The following MBTPS1 variants were observed in gnomAD, a reference collection of about 807,000 sequenced individuals.
MBTPS1 encodes membrane-bound transcription factor site-1 protease.
Under a neutral mutation model 127.8 loss-of-function variants are expected in MBTPS1, and 94 were observed. The observed-to-expected ratio is 0.74, with a 90% CI of 0.62 to 0.87. The LOEUF (loss-of-function observed/expected upper bound fraction) is 0.87. Ranked by LOEUF, MBTPS1 falls within the 40% of genes least tolerant of loss-of-function variation. The probability of loss-of-function intolerance (pLI) is 0.00; values close to 1 mark genes in which losing one functional copy is unlikely to be tolerated. For missense variants in MBTPS1, 1,636 were observed against 1,353.2 expected (o/e 1.21, Z -3.28); for synonymous variants, 632 against 509.4 (o/e 1.24, Z -3.24).
chr16:84,069,706 G>C (rs941764624), intron 14 of MBTPS1, among the ~76,000 whole-genome samples, 160 bp downstream of exon 14: 3 of 152,206 alleles, frequency 2.0e-5, no homozygotes, highest in Admixed American at 6.5e-5. Flanking sequence ...GAGAAGTCAG[G>C]CTGCCCTAAG....
At chr16:84,063,161 G>C in intron 19 of MBTPS1, 144 bp downstream of exon 19, 2 of 800,064 alleles carry the variant, frequency 2.5e-6, no homozygotes, top group Non-Finnish European at 4.0e-6. Context: ...AGCAATCAAA[G>C]TGACTGCAAC....
At chr16:84,092,514 A>G (rs1032490305) in intron 6 of MBTPS1, among the ~76,000 whole-genome samples, 1 of 152,256 alleles carries the variant, frequency 6.6e-6, no homozygotes, top group African/African-American at 2.4e-5. Context: ...ACGAGGAGGT[A>G]TAAGAAAGGA....
rs951780604 is a variant in MBTPS1 at position 84,054,192 on chromosome 16, G to C, written c.*257C>G. ...CCTTTCCAGTTCTCCCGAGTCTTTG[G>C]TGCGCACAGCTGCCGGCGGGAAGTC... On this transcript the variant is annotated 3_prime_UTR_variant, in exon 23 of 23. Coordinates refer to ENST00000343411, the MANE Select transcript of MBTPS1 (RefSeq NM_003791.4). 9.0e-6 allele frequency: 3 copies of C among 332,074 alleles called. No individual in the cohort carries two copies. The highest frequency in any genetic ancestry group is 9.6e-5 in the Admixed American group (2 of 20,738). The allele number at this position is 332,074 out of a possible 1,614,324, so 20.6% of individuals were successfully genotyped here. A position where few individuals can be genotyped will look rare whatever the true frequency, so the allele number is the denominator to read the frequency against.
At chr16:84,100,878 G>A (rs1427516425) in intron 2 of MBTPS1, among the ~76,000 whole-genome samples, 1 of 152,088 alleles carries the variant, frequency 6.6e-6, no homozygotes, top group Non-Finnish European at 1.5e-5. Flanking sequence ...CAGAAGGCCA[G>A]GCACGGTGGC....
chr16:84,114,458 C>G (rs534543308), intron 1 of MBTPS1, among the ~76,000 whole-genome samples: 125 of 152,280 alleles, frequency 8.2e-4, no homozygotes, highest in Middle Eastern at 3.4e-3. Flanking sequence ...TCCTTTTATT[C>G]TTACCCCTTA....
intron 4 of MBTPS1, among the ~76,000 whole-genome samples, chr16:84,094,789 C>T (rs1419980593): frequency 6.6e-6 from 1 of 152,134 alleles, no homozygotes; most frequent in Non-Finnish European, 1.5e-5. Context: ...GGGAGACACA[C>T]ATTTTAATGA....
chr16:84,056,228 C>A, intron 21 of MBTPS1, 93 bp from the exon 22 acceptor site: 2 of 1,082,478 alleles, frequency 1.8e-6, no homozygotes, highest in Non-Finnish European at 2.7e-6. Context: ...CAAGACAGAG[C>A]AAGTGATCTA....
rs1203782139 is a variant in MBTPS1, at chr16:84,099,184, T to C, written c.290A>G (p.Tyr97Cys). Reference protein sequence around the residue: ...IIPRNNPSSDYPSDFEVIQIK... With the variant: ...IIPRNNPSSDCPSDFEVIQIK... The stretch of plus-strand genomic sequence containing the variant: ...CTGAATCACCTCAAAATCACTAGGG[T>C]AGTCACTGGATGGATTGTTTCGAGG... Residue 97 changes from tyrosine (Y) to cysteine (C), a missense_variant, in exon 3 of 23, where the codon TAC (tyrosine) becomes TGC (cysteine). Transcript: ENST00000343411. 1.2e-6 allele frequency: 2 copies of C among 1,614,036 alleles called. No individual in the cohort carries two copies. The highest frequency in any genetic ancestry group is 1.3e-5 in the African/African-American group (1 of 74,906).
rs371305762 is a variant in MBTPS1 at position 84,070,717 on chromosome 16, G to A, written c.1653C>T (p.Tyr551=). 34 of 1,613,972 alleles carry A rather than the reference G, an allele frequency of 2.1e-5. No homozygotes were observed. The highest frequency in any genetic ancestry group is 2.8e-5 in the Non-Finnish European group (33 of 1,180,002). The change falls in exon 13 of 23, where the codon TAC becomes TAT. Residue 551 remains tyrosine (Y), a synonymous_variant. Transcript: ENST00000343411. ...NGDNIEVAFS[Y]SSVLWPWSGY... is the part of the protein sequence containing the mutation. ...CCGACCAAGGCCATAAGACCGAGGA[G>A]TAGGAGAAGGCAACTTCAATGTTGT...
intron 11 of MBTPS1, among the ~76,000 whole-genome samples, chr16:84,076,663 C>T (rs2085858500): frequency 6.6e-6 from 1 of 152,178 alleles, no homozygotes; most frequent in African/African-American, 2.4e-5. Context: ...AAAGCCCCAT[C>T]TACAGCAGCA....
chr16:84,087,059 C>A (rs2086038715), intron 9 of MBTPS1, among the ~76,000 whole-genome samples: 1 of 152,118 alleles, frequency 6.6e-6, no homozygotes, highest in South Asian at 2.1e-4. Context: ...GAACCCAATT[C>A]ACCTAAAGGT....
intron 19 of MBTPS1, among the ~76,000 whole-genome samples, chr16:84,062,213 C>T (rs1462946493): frequency 1.3e-5 from 2 of 152,136 alleles, no homozygotes; most frequent in African/African-American, 2.4e-5. Context: ...CTCTGCCTCC[C>T]GGGTTCAAGC....
Position 84,070,579 on chromosome 16 carries a change from T to C in MBTPS1, c.1782+9A>G. ...TAAGAAAACAAGCCACTTTCCCGCA[T>C]ATCCCTACCTCTGTCTCTGCTGGGG... On this transcript the variant is annotated intron_variant, in intron 13 of 22. Transcript: ENST00000343411. The C allele has an allele frequency of 6.2e-7, 1 of 1,609,894 alleles. No homozygotes were observed. The highest frequency in any genetic ancestry group is 8.5e-7 in the Non-Finnish European group (1 of 1,179,194).
intron 19 of MBTPS1, 43 bp from the exon 20 acceptor site, chr16:84,060,856 TC>T: frequency 6.6e-7 from 1 of 1,519,286 alleles, no homozygotes. Context: ...TTTTTTTTTT[TC>T]CAGACAGAGT....
chr16:84,095,490 T>C, intron 4 of MBTPS1, 112 bp downstream of exon 4: 2 of 1,158,334 alleles, frequency 1.7e-6, no homozygotes, highest in Admixed American at 1.9e-5. Context: ...GCTTTAGCAC[T>C]AGGCAGTCCC....
At chr16:84,099,019 C>T (rs768054344) in intron 3 of MBTPS1, 34 bp downstream of exon 3, 2 of 1,347,062 alleles carry the variant, frequency 1.5e-6, no homozygotes, top group Non-Finnish European at 2.0e-6. Context: ...AAGTAAACAG[C>T]AGAGAGAAAT....
intron 2 of MBTPS1, among the ~76,000 whole-genome samples, chr16:84,101,070 G>A (rs893746880): frequency 3.3e-5 from 5 of 151,376 alleles, no homozygotes; most frequent in African/African-American, 7.3e-5. Flanking sequence ...GGAGGCCAAG[G>A]CAGGCGGATC....
In MBTPS1 at chr16:84,063,194, A is replaced by C; in HGVS notation, c.2572+111T>G. 2.6e-6 allele frequency: 3 copies of C among 1,162,392 alleles called. No individual in the cohort carries two copies. In the South Asian group the frequency reaches 4.5e-5, roughly 17 times the overall value. The allele number at this position is 1,162,392 out of a possible 1,614,324, so 72.0% of individuals were successfully genotyped here. On this transcript the variant is annotated intron_variant, in intron 19 of 22. Transcript: ENST00000343411. ...AACATCTCCAGCTGAGCCTGGCTCA[A>C]GTGAACAGATGTCGGCTGATCTGCC...
chr16:84,088,560 T>C (rs545261665), intron 8 of MBTPS1, among the ~76,000 whole-genome samples: 66 of 152,234 alleles, frequency 4.3e-4, no homozygotes, highest in African/African-American at 1.2e-3. Context: ...AGCCCTATAA[T>C]GCTTAGTGTA....
Sources: gnomAD v4.1 joint callset for allele counts (sites outside exome capture counted in the v4.1 genomes callset) on GRCh38, gnomAD v4.1.1 for gene constraint, MANE v1.5 for transcripts, NCBI Gene and HGNC (gene_info 2026-07-23, HGNC 2026-07-21) for gene names.